FOCAD: variants seen among roughly 807,000 people sequenced by gnomAD.
The protein encoded by FOCAD is focadhesin, also known as KIAA1797.
Under a neutral mutation model 225.6 loss-of-function variants are expected in FOCAD, and 198 were observed. The ratio of observed to expected loss-of-function variants is 0.88; its 90% confidence interval spans 0.78 to 0.99. The LOEUF (loss-of-function observed/expected upper bound fraction) is 0.99, where lower values mean the gene tolerates loss of function less well. Among genes scored for constraint, FOCAD ranks in the 50% least tolerant of loss-of-function variants. The probability of loss-of-function intolerance (pLI) is 0.00; values close to 1 mark genes in which losing one functional copy is unlikely to be tolerated. For synonymous variants in FOCAD, 897 were observed against 755.0 expected (o/e 1.19, Z -3.08); for missense variants, 2,713 against 2,123.6 (o/e 1.28, Z -5.46).
At chr9:20,798,991 A>G (rs10124406) in intron 11 of FOCAD, among the ~76,000 whole-genome samples, 2,708 of 152,276 alleles carry the variant, frequency 0.018, 76 homozygotes, top group African/African-American at 0.062. Flanking sequence ...ATTTATTGCT[A>G]TAAATTTCCC....
rs563784328 is a variant in FOCAD, at chr9:20,935,931, T to C, written c.3407+2828T>C. Among the ~76,000 whole-genome samples, 243 of 152,336 alleles carry C rather than the reference T, an allele frequency of 1.6e-3. 3 individuals carry two copies. The highest frequency in any genetic ancestry group is 5.6e-3 in the African/African-American group (234 of 41,576). On this transcript the variant is annotated intron_variant, in intron 28 of 43. Coordinates refer to ENST00000338382, the MANE Select transcript of FOCAD (RefSeq NM_001375567.1). Reference sequence around the variant, plus strand: ...TATTAAACTAAATGCTTTAAAATTATTTTCTCATTTCATTAATGAAAGATA... The same window carrying C: ...TATTAAACTAAATGCTTTAAAATTACTTTCTCATTTCATTAATGAAAGATA...
Position 20,885,078 on chromosome 9 carries a change from T to TA in FOCAD, c.2504-27dup, listed in dbSNP as rs550216831. On this transcript the variant is annotated intron_variant, in intron 20 of 43. Transcript: ENST00000338382. Reference sequence around the variant, plus strand: ...TGTCTTAAAAAAATAAAAATAAAAATAAAATAAAGTCTATATAATTTTTTT... The same window carrying TA: ...TGTCTTAAAAAAATAAAAATAAAAATAAAAATAAAGTCTATATAATTTTTTT... 307 of 1,257,010 alleles carry TA rather than the reference T, an allele frequency of 2.4e-4. 2 individuals carry two copies. In the African/African-American group the frequency reaches 4.5e-3, roughly 18 times the overall value. The allele number at this position is 1,257,010 out of a possible 1,614,324, so 77.9% of individuals were successfully genotyped here. A position where few individuals can be genotyped will look rare whatever the true frequency, so the allele number is the denominator to read the frequency against.
chr9:20,847,915 A>G (rs1827277378), intron 15 of FOCAD, among the ~76,000 whole-genome samples: 1 of 152,116 alleles, frequency 6.6e-6, no homozygotes, highest in African/African-American at 2.4e-5. Flanking sequence ...AATTTTAATT[A>G]TAGAAAAATG....
At chr9:20,968,522 A>G (rs1587743121) in intron 35 of FOCAD, among the ~76,000 whole-genome samples, 1 of 131,392 alleles carries the variant, frequency 7.6e-6, no homozygotes, top group Non-Finnish European at 1.5e-5. Context: ...GCTCACTGCA[A>G]CCTCCACCTC....
chr9:20,880,861 T>C (rs1385037163), intron 19 of FOCAD, among the ~76,000 whole-genome samples: 1 of 152,218 alleles, frequency 6.6e-6, no homozygotes, highest in Non-Finnish European at 1.5e-5. Flanking sequence ...TGTTTAGCTT[T>C]AATGTTTTTT....
chr9:20,941,564 T>A (rs1836662794), intron 28 of FOCAD, among the ~76,000 whole-genome samples: 1 of 152,210 alleles, frequency 6.6e-6, no homozygotes, highest in Non-Finnish European at 1.5e-5. Flanking sequence ...AACACAAATA[T>A]CAGAATTGCT....
In FOCAD at chr9:20,764,953, A is replaced by G; in HGVS notation, c.579A>G (p.Lys193=). The G allele has an allele frequency of 6.2e-7, 1 of 1,614,018 alleles. No individual in the cohort carries two copies. Among genetic ancestry groups the G allele is most frequent in the Non-Finnish European group, 8.5e-7 (1 of 1,179,994 alleles). ...CATCTCAGTTACAAGAATATGCTAA[A>G]CTCCGACTAGCCCTGCTGAAAGTCT... The part of the protein sequence containing the change: ...CEPSQLQEYA[K]LRLALLKVLL... The change falls in exon 7 of 44, where the codon AAA becomes AAG. Residue 193 remains lysine, a synonymous_variant. Coordinates refer to ENST00000338382, the MANE Select transcript of FOCAD (RefSeq NM_001375567.1).
chr9:20,864,301 A>G (rs1026323667), intron 16 of FOCAD, among the ~76,000 whole-genome samples: 51 of 152,138 alleles, frequency 3.4e-4, no homozygotes, highest in African/African-American at 1.1e-3. Flanking sequence ...ATGTAGTCCA[A>G]CCTGTTTACA....
chr9:20,887,256 A>G (rs1447345999), intron 21 of FOCAD, among the ~76,000 whole-genome samples: 4 of 144,172 alleles, frequency 2.8e-5, no homozygotes. Context: ...TTTTTTTGAG[A>G]TGAAGTCTCA....
intron 24 of FOCAD, among the ~76,000 whole-genome samples, chr9:20,919,260 A>T (rs941919018): frequency 1.3e-5 from 2 of 152,228 alleles, no homozygotes; most frequent in African/African-American, 4.8e-5. Context: ...CTTACAAGGG[A>T]CGTGAAGGAC....
intron 14 of FOCAD, among the ~76,000 whole-genome samples, chr9:20,822,639 A>T (rs563546420): frequency 1.3e-5 from 2 of 152,208 alleles, no homozygotes; most frequent in Admixed American, 1.3e-4. Context: ...ATCAGGCCAG[A>T]ATAGCTCTAT....
chr9:20,898,665 A>G (rs189824063), intron 21 of FOCAD, among the ~76,000 whole-genome samples: 1 of 151,904 alleles, frequency 6.6e-6, no homozygotes. Context: ...CACATTAGTC[A>G]TGGTTACTTT....
chr9:20,686,682 G>A (rs1169820320), intron 1 of FOCAD, among the ~76,000 whole-genome samples: 6 of 152,070 alleles, frequency 3.9e-5, no homozygotes, highest in African/African-American at 1.2e-4. Flanking sequence ...TGATCAAGTG[G>A]GTAGTAAGTA....
chr9:20,931,894 C>A (rs1835505877), intron 27 of FOCAD, among the ~76,000 whole-genome samples: 1 of 106,394 alleles, frequency 9.4e-6, no homozygotes, highest in Non-Finnish European at 1.8e-5. Flanking sequence ...GAATGCAAGA[C>A]TCTATCTCAA....
chr9:20,777,642 T>G (rs1282731693), intron 8 of FOCAD, among the ~76,000 whole-genome samples: 1 of 152,220 alleles, frequency 6.6e-6, no homozygotes, highest in Non-Finnish European at 1.5e-5. Context: ...GGCACTAATA[T>G]TTCTTTTATT....
intron 22 of FOCAD, among the ~76,000 whole-genome samples, chr9:20,909,765 A>G (rs1295379022): frequency 1.3e-5 from 2 of 152,118 alleles, no homozygotes; most frequent in Non-Finnish European, 2.9e-5. Context: ...CAAGTTTTTT[A>G]AATGAGTCCA....
At chr9:20,713,584 G>A (rs1825051800) in intron 1 of FOCAD, among the ~76,000 whole-genome samples, 1 of 152,032 alleles carries the variant, frequency 6.6e-6, no homozygotes, top group South Asian at 2.1e-4. Flanking sequence ...AAAATTATCT[G>A]CTGCTTTCTA....
chr9:20,798,325 C>G (rs572652886), intron 11 of FOCAD, among the ~76,000 whole-genome samples: 2 of 152,204 alleles, frequency 1.3e-5, no homozygotes, highest in Admixed American at 6.5e-5. Context: ...GGTTGTGTCT[C>G]TGCCAGGCTT....
intron 1 of FOCAD, among the ~76,000 whole-genome samples, chr9:20,697,338 G>T (rs1275341601): frequency 1.3e-5 from 2 of 152,092 alleles, no homozygotes; most frequent in Admixed American, 1.3e-4. Context: ...TAAAATGTCA[G>T]TCATATATGC....
Sources: allele counts gnomAD v4.1 joint callset (sites outside exome capture counted in the v4.1 genomes callset), GRCh38; gene constraint gnomAD v4.1.1; transcripts MANE v1.5; gene names NCBI Gene and HGNC (gene_info 2026-07-23, HGNC 2026-07-21).